RASAL2: variants seen among roughly 807,000 people sequenced by gnomAD.
RASAL2 encodes the protein RAS protein activator like 2.
In RASAL2, 58 loss-of-function variants were observed where a neutral mutation model predicts 128.9. The ratio of observed to expected loss-of-function variants is 0.45; its 90% CI spans 0.36 to 0.56. RASAL2 has a LOEUF of 0.56. RASAL2 is among the 20% of genes least tolerant of loss of function. The pLI is 0.00. For missense variants in RASAL2, 1,360 were observed against 1,601.6 expected (o/e 0.85, Z 2.57); for synonymous variants, 561 against 580.8 (o/e 0.97, Z 0.49).
chr1:178,338,563 C>G (rs1343064710), intron 3 of RASAL2, among the ~76,000 whole-genome samples: 1 of 152,130 alleles, frequency 6.6e-6, no homozygotes, highest in Non-Finnish European at 1.5e-5. Context: ...AGCAAGTATA[C>G]TATTTGGTTG....
Position 178,171,522 on chromosome 1 carries a change from C to A in RASAL2, c.202+76828C>A, listed in dbSNP as rs149333810. On this transcript the variant is annotated intron_variant, in intron 1 of 17. Transcript: ENST00000367649. The stretch of plus-strand genomic sequence containing the variant: ...AAGGACTAACCATTTTGAAAGTGAG[C>A]CTATTCAGACAATATTTTACTTGTA... Among the ~76,000 whole-genome samples the A allele has an allele frequency of 5.1e-3, 769 of 151,984 alleles. 15 individuals carry two copies. Among genetic ancestry groups the A allele is most frequent in the African/African-American group, 0.018 (740 of 41,486 alleles).
At chr1:178,429,647 CTG>C (rs1478534365) in intron 5 of RASAL2, among the ~76,000 whole-genome samples, 1 of 152,114 alleles carries the variant, frequency 6.6e-6, no homozygotes, top group Non-Finnish European at 1.5e-5. Context: ...TTCTATAAAT[CTG>C]TAATCTTTAG....
intron 1 of RASAL2, 151 bp from the exon 2 acceptor site, chr1:178,283,413 C>T (rs1666875185): frequency 1.0e-6 from 1 of 988,338 alleles, no homozygotes; most frequent in African/African-American, 1.6e-5. Context: ...TAATAGTTTT[C>T]ATTTTCTTAA....
intron 9 of RASAL2, among the ~76,000 whole-genome samples, chr1:178,446,713 A>C (rs1398051520): frequency 6.6e-6 from 1 of 152,212 alleles, no homozygotes; most frequent in Non-Finnish European, 1.5e-5. Flanking sequence ...CAATGTAAGG[A>C]TATAACATTA....
chr1:178,307,124 G>A (rs1668031876), intron 3 of RASAL2, among the ~76,000 whole-genome samples: 1 of 151,566 alleles, frequency 6.6e-6, no homozygotes, highest in South Asian at 2.1e-4. Flanking sequence ...TTTAAAAAAA[G>A]GTACAGTATG....
chr1:178,334,336 T>G (rs1669479134), intron 3 of RASAL2, among the ~76,000 whole-genome samples: 1 of 151,444 alleles, frequency 6.6e-6, no homozygotes, highest in Non-Finnish European at 1.5e-5. Context: ...TATTGCAACT[T>G]TTTTTTCTTT....
intron 3 of RASAL2, among the ~76,000 whole-genome samples, 169 bp from the exon 4 acceptor site, chr1:178,389,931 T>C (rs1182739839): frequency 6.6e-6 from 1 of 152,214 alleles, no homozygotes; most frequent in East Asian, 1.9e-4. Flanking sequence ...GTCTCTCTAG[T>C]GTCTTGATAG....
At chr1:178,343,475 T>C (rs1669986601) in intron 3 of RASAL2, among the ~76,000 whole-genome samples, 1 of 152,200 alleles carries the variant, frequency 6.6e-6, no homozygotes, top group South Asian at 2.1e-4. Context: ...TGAGCTTTTA[T>C]CCTGCTTTTA....
intron 1 of RASAL2, among the ~76,000 whole-genome samples, chr1:178,119,503 A>G (rs1267082000): frequency 6.6e-6 from 1 of 152,222 alleles, no homozygotes. Flanking sequence ...TAGACTCAAC[A>G]TTCAAAAATG....
At chr1:178,240,030 A>T (rs577485458) in intron 1 of RASAL2, among the ~76,000 whole-genome samples, 1 of 152,144 alleles carries the variant, frequency 6.6e-6, no homozygotes, top group African/African-American at 2.4e-5. Flanking sequence ...ATTTGCCTTT[A>T]CACAGATTTT....
intron 1 of RASAL2, among the ~76,000 whole-genome samples, chr1:178,226,249 G>A (rs1040824108): frequency 3.9e-5 from 6 of 152,088 alleles, no homozygotes; most frequent in African/African-American, 9.7e-5. Context: ...GAGAAGCACT[G>A]GTCTGGAAGC....
chr1:178,295,087 C>T (rs756462265), intron 2 of RASAL2, among the ~76,000 whole-genome samples: 3 of 151,972 alleles, frequency 2.0e-5, no homozygotes, highest in Non-Finnish European at 4.4e-5. Context: ...TTTATTAAAG[C>T]CAAATGATTT....
At position 178,470,741 on chromosome 1, in the gene RASAL2, C is replaced by G. The variant is rs1167867902; in HGVS notation, c.3679-2334C>G. On this transcript the variant is annotated intron_variant, in intron 17 of 17. Coordinates refer to ENST00000367649, the MANE Select transcript of RASAL2 (RefSeq NM_170692.4). ...TCAAACAGGCAAGTAAACCCCGCGT[C>G]CGTTCTCTAGCTGAGCAGTTCCCAG... The G allele has an allele frequency of 2.9e-6, 4 of 1,364,574 alleles. No homozygotes were observed. The African/African-American group carries it at 5.9e-5, about 20-fold the overall frequency. 84.5% of individuals were successfully genotyped at this position (1,364,574 alleles called of 1,614,324 possible).
intron 1 of RASAL2, among the ~76,000 whole-genome samples, chr1:178,112,663 A>C (rs1476436299): frequency 6.6e-6 from 1 of 150,444 alleles, no homozygotes; most frequent in Non-Finnish European, 1.5e-5. Context: ...CAAAAAACCA[A>C]ACACTGCATA....
At chr1:178,232,417 T>G (rs1374581393) in intron 1 of RASAL2, among the ~76,000 whole-genome samples, 1 of 152,204 alleles carries the variant, frequency 6.6e-6, no homozygotes, top group Non-Finnish European at 1.5e-5. Flanking sequence ...TGGATTTATA[T>G]AGCAAACTTT....
chr1:178,339,475 A>T (rs1669756738), intron 3 of RASAL2, among the ~76,000 whole-genome samples: 1 of 152,180 alleles, frequency 6.6e-6, no homozygotes, highest in South Asian at 2.1e-4. Flanking sequence ...ATGCTTCACT[A>T]TTTAGCCATG....
intron 5 of RASAL2, among the ~76,000 whole-genome samples, chr1:178,438,071 A>G (rs1382539977): frequency 2.0e-5 from 3 of 150,736 alleles, no homozygotes; most frequent in African/African-American, 7.3e-5. Flanking sequence ...ATCAGAACAC[A>G]TGTTTTGCAG....
At chr1:178,397,865 T>C (rs1367389545) in intron 4 of RASAL2, among the ~76,000 whole-genome samples, 1 of 151,808 alleles carries the variant, frequency 6.6e-6, no homozygotes, top group African/African-American at 2.4e-5. Flanking sequence ...GTCATCCTGC[T>C]TTGGTCTTCT....
chr1:178,356,795 G>T (rs1252900008), intron 3 of RASAL2, among the ~76,000 whole-genome samples: 1 of 151,990 alleles, frequency 6.6e-6, no homozygotes, highest in Non-Finnish European at 1.5e-5. Context: ...TCTTGCTATG[G>T]CGGTATTATA....
Sources: gnomAD v4.1 joint callset for allele counts (sites outside exome capture counted in the v4.1 genomes callset) on GRCh38, gnomAD v4.1.1 for gene constraint, MANE v1.5 for transcripts, NCBI Gene and HGNC (gene_info 2026-07-23, HGNC 2026-07-21) for gene names.